The following PCDHA7 variants were observed in gnomAD, a reference collection of about 807,000 sequenced individuals.
The protein encoded by PCDHA7 is protocadherin alpha 7, also known as protocadherin alpha-7.
PCDHA7 carries 37 observed loss-of-function variants against 57.2 expected under a neutral mutation model. The observed-to-expected ratio is 0.65, with a 90% CI of 0.50 to 0.85. The LOEUF (loss-of-function observed/expected upper bound fraction) is 0.85, where lower values mean the gene tolerates loss of function less well. Among genes scored for constraint, PCDHA7 ranks in the 40% least tolerant of loss-of-function variants. PCDHA7 has a pLI of 0.00. For synonymous variants in PCDHA7, 553 were observed against 558.8 expected (o/e 0.99, Z 0.15); for missense variants, 1,188 against 1,241.8 (o/e 0.96, Z 0.65).
chr5:140,903,908 T>G (rs1248455998), intron 1 of PCDHA7, among the ~76,000 whole-genome samples: 2 of 152,242 alleles, frequency 1.3e-5, no homozygotes, highest in East Asian at 1.9e-4. Flanking sequence ...GTCAATGATG[T>G]GACTTCCTTG....
At chr5:140,968,162 C>A in intron 1 of PCDHA7, 1 of 1,614,122 alleles carries the variant, frequency 6.2e-7, no homozygotes, top group East Asian at 2.2e-5. Flanking sequence ...CAATGACAAT[C>A]CACCAAGCTT....
intron 1 of PCDHA7, among the ~76,000 whole-genome samples, chr5:140,960,351 T>C (rs1268803425): frequency 3.3e-5 from 5 of 152,192 alleles, no homozygotes; most frequent in African/African-American, 7.2e-5. Flanking sequence ...AGATATGTAC[T>C]GAAATAATAT....
chr5:140,911,502 G>A (rs911736161), intron 1 of PCDHA7, among the ~76,000 whole-genome samples: 4 of 152,104 alleles, frequency 2.6e-5, no homozygotes, highest in Admixed American at 1.3e-4. Flanking sequence ...CAGGTTTGAG[G>A]TTCAGTATCT....
intron 1 of PCDHA7, chr5:140,856,811 G>A: frequency 3.8e-6 from 6 of 1,594,886 alleles, no homozygotes; most frequent in Non-Finnish European, 5.2e-6. Flanking sequence ...TGAAAATCAA[G>A]TGAACCAAAC....
rs2150395747 is a variant in PCDHA7, at chr5:140,846,917, A to G, written c.2355+10179A>G. 4.9e-4 allele frequency among the ~76,000 whole-genome samples: 73 copies of G among 149,736 alleles called. 3 individuals are homozygous for G. The highest frequency in any genetic ancestry group is 1.6e-3 in the African/African-American group (65 of 40,960). ...TGAAGTTGAAAGACAATCATTTCCT[A>G]TTTGAATTTTTGAAGAAATACTTGA... On this transcript the variant is annotated intron_variant, in intron 1 of 3. Coordinates refer to ENST00000525929, the MANE Select transcript of PCDHA7 (RefSeq NM_018910.3).
Position 141,010,405 on chromosome 5 carries a change from C to G in PCDHA7, c.*468C>G. On this transcript the variant is annotated 3_prime_UTR_variant, in exon 4 of 4. Transcript: ENST00000525929. ...ATTGGCTGAGACGAGCCAGCTTAGA[C>G]TAATTGGTACAAGGAAGGCAAGAAA... 1 of 1,260,098 alleles carries G rather than the reference C, an allele frequency of 7.9e-7. No homozygotes were observed. Among genetic ancestry groups the G allele is most frequent in the South Asian group, 1.6e-5 (1 of 64,208 alleles). 78.1% of individuals were successfully genotyped at this position (1,260,098 alleles called of 1,614,324 possible). A position where few individuals can be genotyped will look rare whatever the true frequency, so the allele number is the denominator to read the frequency against.
chr5:140,989,403 G>A (rs1327699534), intron 3 of PCDHA7, among the ~76,000 whole-genome samples: 4 of 152,182 alleles, frequency 2.6e-5, no homozygotes, highest in African/African-American at 9.7e-5. Context: ...GGAGGGTGGA[G>A]AGTCTGCACT....
intron 1 of PCDHA7, among the ~76,000 whole-genome samples, chr5:140,964,512 T>C (rs2095837085): frequency 6.6e-6 from 1 of 152,128 alleles, no homozygotes; most frequent in African/African-American, 2.4e-5. Context: ...CAATACCCAG[T>C]GGCCAGGTCT....
Position 140,886,416 on chromosome 5 carries a change from A to T in PCDHA7, c.2355+49678A>T, listed in dbSNP as rs184712902. Among the ~76,000 whole-genome samples, 13 of 152,286 alleles carry T rather than the reference A, an allele frequency of 8.5e-5. No homozygotes were observed. The East Asian group carries it at 2.5e-3, about 29-fold the overall frequency. ...TGCATCACAAATATGTTTTCCTCCT[A>T]TATTATTTCTATTCATTTGTTTGTA... is the stretch of plus-strand genomic sequence containing the variant. On this transcript the variant is annotated intron_variant, in intron 1 of 3. Transcript: ENST00000525929.
rs2150263250 is a variant in PCDHA7 at position 140,836,539 on chromosome 5, C to G, written c.2156C>G (p.Thr719Arg). 1 of 1,613,680 alleles carries G rather than the reference C, an allele frequency of 6.2e-7. No individual in the cohort carries two copies. Among genetic ancestry groups the G allele is most frequent in the East Asian group, 2.2e-5 (1 of 44,860 alleles). ...TTGGTGCTTACCCTGCTGCTGTACA[C>G]GGCGTTGCGGTGCTCAGCGCCGTCC... The part of the protein sequence containing the change: ...SLLVLTLLLY[T>R]ALRCSAPSSE... The change falls in exon 1 of 4, where the codon ACG becomes AGG. Residue 719 changes from threonine to arginine, a missense_variant. Thr to Arg is a moderately conservative substitution (Grantham distance 71). This residue lies in a region of PCDHA7 where 892 missense variants were observed against 788.5 expected (regional missense o/e 1.13). Transcript: ENST00000525929.
chr5:140,870,427 G>A, intron 1 of PCDHA7: 1 of 1,614,220 alleles, frequency 6.2e-7, no homozygotes, highest in Non-Finnish European at 8.5e-7. Flanking sequence ...CAGGGTATCC[G>A]TGGAGGTGGC....
chr5:140,891,568 A>G (rs1448026659), intron 1 of PCDHA7, among the ~76,000 whole-genome samples: 1 of 151,646 alleles, frequency 6.6e-6, no homozygotes, highest in Non-Finnish European at 1.5e-5. Flanking sequence ...CTCTAATTAA[A>G]CATATTTTAA....
intron 1 of PCDHA7, chr5:140,926,257 C>CT (rs1336723706): frequency 4.6e-5 from 7 of 152,300 alleles, no homozygotes; most frequent in African/African-American, 1.7e-4. Flanking sequence ...ACCGTCCCGC[C>CT]TCTCGCCGCC....
intron 1 of PCDHA7, chr5:140,841,519 G>A: frequency 6.2e-7 from 1 of 1,613,590 alleles, no homozygotes; most frequent in Non-Finnish European, 8.5e-7. Flanking sequence ...TGTTCCGGGT[G>A]GCGTCCAAAA....
At chr5:140,955,990 T>C (rs246015) in intron 1 of PCDHA7, among the ~76,000 whole-genome samples, 48,106 of 152,064 alleles carry the variant, frequency 0.32, 7,958 homozygotes, top group East Asian at 0.53. Context: ...TTTTTGCACA[T>C]TGATTTTGTA....
chr5:140,843,509 G>A, intron 1 of PCDHA7: 1 of 1,595,970 alleles, frequency 6.3e-7, no homozygotes. Context: ...GCCCACTGAG[G>A]GCGGGTGCCG....
At chr5:140,847,596 A>G (rs1159769892) in intron 1 of PCDHA7, 1 of 149,708 alleles carries the variant, frequency 6.7e-6, no homozygotes, top group Non-Finnish European at 1.5e-5. Context: ...TGAAATTAAA[A>G]CATATTGTAA....
At chr5:140,882,644 A>T in intron 1 of PCDHA7, 1 of 1,614,256 alleles carries the variant, frequency 6.2e-7, no homozygotes. Flanking sequence ...GGTGAGGGAC[A>T]TTAACGACAA....
At chr5:140,979,063 A>G (rs1245308340) in intron 2 of PCDHA7, 56 bp downstream of exon 2, 3 of 1,604,438 alleles carry the variant, frequency 1.9e-6, no homozygotes, top group East Asian at 4.5e-5. Context: ...TATGGCTCAG[A>G]TAAACTGCAT....
Sources: allele counts gnomAD v4.1 joint callset (sites outside exome capture counted in the v4.1 genomes callset), GRCh38; gene constraint gnomAD v4.1.1; regional missense constraint gnomAD v4.1.1; transcripts MANE v1.5; gene names NCBI Gene and HGNC (gene_info 2026-07-23, HGNC 2026-07-21).